The following SLTM variants were observed in gnomAD, a reference collection of about 807,000 sequenced individuals.
SLTM encodes the protein SAFB-like transcription modulator.
A neutral mutation model predicts 134.6 loss-of-function variants in SLTM; 43 were observed. The observed-to-expected ratio is 0.32, with a 90% CI of 0.25 to 0.41. The LOEUF is 0.41. SLTM is among the 10% of genes least tolerant of loss of function. SLTM has a pLI of 1.00. For missense variants in SLTM, 1,055 were observed against 1,288.8 expected, an observed-to-expected ratio of 0.82 and a Z score of 2.78; for synonymous variants, 424 against 432.3, an observed-to-expected ratio of 0.98 and a Z score of 0.24.
At chr15:58,925,842 T>C (rs1367347777) in intron 2 of SLTM, among the ~76,000 whole-genome samples, 1 of 152,204 alleles carries the variant, frequency 6.6e-6, no homozygotes, top group Non-Finnish European at 1.5e-5. Context: ...CTTAATGAAT[T>C]ACCTTTCTAT....
intron 2 of SLTM, among the ~76,000 whole-genome samples, chr15:58,922,052 C>T (rs1285536309): frequency 6.6e-6 from 1 of 151,942 alleles, no homozygotes; most frequent in Admixed American, 6.6e-5. Context: ...AAAACACTTC[C>T]CCTCCATACA....
At chr15:58,907,968 C>T (rs1272112571) in intron 5 of SLTM, among the ~76,000 whole-genome samples, 6 of 149,338 alleles carry the variant, frequency 4.0e-5, no homozygotes, top group South Asian at 2.1e-4. Context: ...AGGACTGGCT[C>T]CTGAAATAGA....
At chr15:58,888,858 A>T (rs1256529609) in intron 16 of SLTM, 1 of 235,328 alleles carries the variant, frequency 4.2e-6, no homozygotes, top group Non-Finnish European at 8.2e-6. Context: ...AAGACAAATA[A>T]AATACCTGAA....
intron 2 of SLTM, among the ~76,000 whole-genome samples, chr15:58,921,055 G>A (rs938725165): frequency 6.6e-6 from 1 of 152,110 alleles, no homozygotes; most frequent in Non-Finnish European, 1.5e-5. Flanking sequence ...ACTCTGTGTC[G>A]AATTTCTCTT....
intron 2 of SLTM, among the ~76,000 whole-genome samples, chr15:58,930,254 C>T (rs926454047): frequency 2.0e-5 from 3 of 150,734 alleles, no homozygotes; most frequent in African/African-American, 7.3e-5. Context: ...GCTGGGACTA[C>T]AGGCACGCGC....
chr15:58,883,924 C>T (rs746798030), intron 19 of SLTM, 138 bp from the exon 20 acceptor site: 358 of 815,730 alleles, frequency 4.4e-4, no homozygotes, highest in Non-Finnish European at 6.4e-4. Flanking sequence ...ATGGTGCAAC[C>T]CCGTTTCTAC....
chr15:58,907,598 A>G (rs1032960909), intron 5 of SLTM, among the ~76,000 whole-genome samples: 2 of 151,502 alleles, frequency 1.3e-5, no homozygotes, highest in Non-Finnish European at 1.5e-5. Context: ...TCCAGCCTGG[A>G]CGACAGAGCA....
In SLTM at chr15:58,933,410, G is replaced by C. The variant is rs746594766; in HGVS notation, c.156C>G (p.Leu52=). The C allele has an allele frequency of 7.6e-6, 12 of 1,578,380 alleles. No individual in the cohort carries two copies. Among genetic ancestry groups the C allele is most frequent in the Admixed American group, 1.8e-5 (1 of 56,220 alleles). The change falls in exon 1 of 21, where the codon CTC becomes CTG. Residue 52 remains leucine (L), a synonymous_variant. Coordinates refer to ENST00000380516, the MANE Select transcript of SLTM (RefSeq NM_024755.4). ...TGVKTVLISR[L]KQAIEEEGGD... is the part of the protein sequence containing the mutation. The stretch of plus-strand genomic sequence containing the variant: ...GGTCCTCGCCGGGCCTCACCTGCTT[G>C]AGTCGGGAGATGAGCACGGTCTTGA...
intron 2 of SLTM, among the ~76,000 whole-genome samples, chr15:58,919,824 T>C (rs1055412992): frequency 2.8e-4 from 42 of 152,130 alleles, no homozygotes; most frequent in African/African-American, 9.7e-4. Flanking sequence ...CACCCTATGA[T>C]GGTACATAGG....
rs201474374 is a variant in SLTM, at chr15:58,908,826, T to TA, written c.561+3736dup. 5.5e-4 allele frequency among the ~76,000 whole-genome samples: 84 copies of TA among 152,304 alleles called. No individual in the cohort carries two copies. In the East Asian group the frequency reaches 0.016, roughly 28 times the overall value. ...AAACACCCTTGCAAAAAATATGTCT[T>TA]AAAAAAATCTTAAATTACTTTCAGT... On this transcript the variant is annotated intron_variant, in intron 5 of 20. Coordinates refer to ENST00000380516, the MANE Select transcript of SLTM (RefSeq NM_024755.4).
chr15:58,890,400 G>A lies in SLTM; in HGVS notation c.1960C>T (p.Arg654Trp), dbSNP rs2034559451. 1.9e-6 allele frequency: 3 copies of A among 1,613,464 alleles called. No homozygotes were observed. The highest frequency in any genetic ancestry group is 1.7e-6 in the Non-Finnish European group (2 of 1,179,916). ...CTCTGTAAGCGTTCCCGTTCTTCCC[G>A]TTCACGAATTATTCTAATGCGTTCT... ...ERERIRIIREREERERLQRER... is the reference protein window; with the variant it reads ...ERERIRIIREWEERERLQRER... Residue 654 changes from arginine to tryptophan, a missense_variant, in exon 15 of 21, where the codon CGG becomes TGG. Arg to Trp is a moderately radical substitution (Grantham distance 101). Transcript: ENST00000380516.
chr15:58,910,737 T>G, intron 5 of SLTM, among the ~76,000 whole-genome samples: 1 of 149,140 alleles, frequency 6.7e-6, no homozygotes, highest in Non-Finnish European at 1.5e-5. Context: ...ATTTTTCTCA[T>G]AGATTCTTTT....
intron 16 of SLTM, among the ~76,000 whole-genome samples, chr15:58,888,936 T>TA (rs1468551345): frequency 6.6e-6 from 1 of 152,196 alleles, no homozygotes; most frequent in Non-Finnish European, 1.5e-5. Context: ...TTGGAAACGT[T>TA]AGAGTGGTAA....
chr15:58,902,078 A>G (rs1336416539), intron 5 of SLTM, among the ~76,000 whole-genome samples: 1 of 152,182 alleles, frequency 6.6e-6, no homozygotes, highest in Non-Finnish European at 1.5e-5. Flanking sequence ...AAAACAGAAG[A>G]GTCATAAAGG....
intron 2 of SLTM, among the ~76,000 whole-genome samples, chr15:58,918,791 TAAC>T (rs780859363): frequency 6.6e-6 from 1 of 152,276 alleles, no homozygotes; most frequent in Admixed American, 6.5e-5. Context: ...GAATTTCACA[TAAC>T]AACAAGTCTA....
At chr15:58,902,580 C>T (rs1405535928) in intron 5 of SLTM, among the ~76,000 whole-genome samples, 2 of 151,108 alleles carry the variant, frequency 1.3e-5, no homozygotes, top group East Asian at 1.9e-4. Context: ...TAAGTGGAGA[C>T]GAGGTCTTGC....
rs189523611 is a variant in SLTM, at chr15:58,881,936, C to T, written c.2996+1690G>A. Among the ~76,000 whole-genome samples the T allele has an allele frequency of 2.0e-4, 30 of 151,758 alleles. No homozygotes were observed. In the East Asian group the frequency reaches 5.3e-3, roughly 27 times the overall value. On this transcript the variant is annotated intron_variant, in intron 20 of 20. Coordinates refer to ENST00000380516, the MANE Select transcript of SLTM (RefSeq NM_024755.4). The stretch of plus-strand genomic sequence containing the variant: ...AAAAAAATAGAGCCACACGGCCGGG[C>T]GCAGTGGCTCATGCCTGTAATCCTA...
chr15:58,933,292 G>T (rs2038023533), intron 1 of SLTM, 112 bp downstream of exon 1: 3 of 1,243,050 alleles, frequency 2.4e-6, no homozygotes, highest in East Asian at 3.1e-5. Flanking sequence ...CTACCATGCC[G>T]TTCCGCAGGT....
intron 3 of SLTM, 186 bp from the exon 4 acceptor site, chr15:58,913,882 C>G: frequency 2.1e-6 from 1 of 468,004 alleles, no homozygotes; most frequent in Non-Finnish European, 3.7e-6. Context: ...CCAAGATCAT[C>G]AAACACGAAT....
Sources: gnomAD v4.1 joint callset for allele counts (sites outside exome capture counted in the v4.1 genomes callset) on GRCh38, gnomAD v4.1.1 for gene constraint, MANE v1.5 for transcripts, NCBI Gene and HGNC (gene_info 2026-07-23, HGNC 2026-07-21) for gene names.